Variants in CCSER1 observed in about 807,000 individuals in gnomAD.
The protein encoded by CCSER1 is coiled-coil serine rich protein 1.
In CCSER1, 41 loss-of-function variants were observed where a neutral mutation model predicts 82.0. The observed-to-expected ratio is 0.50, with a 90% CI of 0.39 to 0.65. CCSER1 has a LOEUF of 0.65. Ranked by LOEUF, CCSER1 falls within the 30% of genes least tolerant of loss-of-function variation. The pLI is 0.00. For missense variants in CCSER1, 1,119 were observed against 1,064.2 expected (o/e 1.05, Z -0.72); for synonymous variants, 414 against 383.9 (o/e 1.08, Z -0.92).
chr4:91,321,001 T>C (rs533646437), intron 10 of CCSER1, among the ~76,000 whole-genome samples: 35 of 152,066 alleles, frequency 2.3e-4, no homozygotes, highest in Non-Finnish European at 4.6e-4. Flanking sequence ...TAAAACAGGC[T>C]TTGGAATCAT....
intron 10 of CCSER1, among the ~76,000 whole-genome samples, chr4:91,331,121 G>A: frequency 6.6e-6 from 1 of 152,064 alleles, no homozygotes; most frequent in East Asian, 1.9e-4. Context: ...TACTGTACAT[G>A]ATTCATAGAA....
rs138717545 is a variant in CCSER1 at position 90,585,273 on chromosome 4, C to T, written c.1725-42752C>T. 4.6e-5 allele frequency among the ~76,000 whole-genome samples: 7 copies of T among 152,192 alleles called. No homozygotes were observed. The East Asian group carries it at 1.2e-3, about 25-fold the overall frequency. ...AAACAGGTATCCTGGCTGGCGAAAA[C>T]GTAAAATGGTACTAACAACTTGGAA... On this transcript the variant is annotated intron_variant, in intron 5 of 10. Coordinates refer to ENST00000509176, the MANE Select transcript of CCSER1 (RefSeq NM_001145065.2).
At chr4:90,456,580 A>G (rs1445613031) in intron 4 of CCSER1, among the ~76,000 whole-genome samples, 2 of 152,132 alleles carry the variant, frequency 1.3e-5, no homozygotes, top group South Asian at 4.1e-4. Context: ...CACGATGGCT[A>G]GACCTCCATG....
intron 5 of CCSER1, among the ~76,000 whole-genome samples, chr4:90,526,798 T>C (rs1240558995): frequency 2.0e-5 from 3 of 152,236 alleles, no homozygotes; most frequent in African/African-American, 7.2e-5. Flanking sequence ...TGGTTCCAAG[T>C]CTTCACTATT....
At chr4:91,030,696 A>G (rs1740901585) in intron 9 of CCSER1, among the ~76,000 whole-genome samples, 1 of 152,118 alleles carries the variant, frequency 6.6e-6, no homozygotes, top group East Asian at 1.9e-4. Context: ...CCATTGTACA[A>G]TGCAAAAATG....
intron 8 of CCSER1, among the ~76,000 whole-genome samples, chr4:90,885,575 A>G (rs1446014465): frequency 6.6e-6 from 1 of 152,108 alleles, no homozygotes; most frequent in Non-Finnish European, 1.5e-5. Flanking sequence ...GAGAATAGAG[A>G]ATATTCTTCT....
chr4:91,456,553 T>C (rs568024581), intron 10 of CCSER1, among the ~76,000 whole-genome samples: 4 of 152,036 alleles, frequency 2.6e-5, no homozygotes, highest in South Asian at 4.1e-4. Flanking sequence ...GCCATTCTGT[T>C]CTCTTTTTTT....
rs1456600713 is a variant in CCSER1, at chr4:91,442,495, G to A, written c.2218-156077G>A. On this transcript the variant is annotated intron_variant, in intron 10 of 10. Coordinates refer to ENST00000509176, the MANE Select transcript of CCSER1 (RefSeq NM_001145065.2). ...TTCAAGATGGATTAAAGACTTAAAC[G>A]TTAGACCTAAAACCATAAAAACCCT... 3.0e-5 allele frequency among the ~76,000 whole-genome samples: 4 copies of A among 133,336 alleles called. No homozygotes were observed. In the East Asian group the frequency reaches 6.7e-4, roughly 22 times the overall value. The allele number at this position is 133,336 out of a possible 152,430, so 87.5% of individuals were successfully genotyped here. A position where few individuals can be genotyped will look rare whatever the true frequency, so the allele number is the denominator to read the frequency against.
intron 10 of CCSER1, among the ~76,000 whole-genome samples, chr4:91,306,997 T>C (rs1370244908): frequency 2.0e-5 from 3 of 151,990 alleles, no homozygotes; most frequent in Non-Finnish European, 2.9e-5. Context: ...AGACTACAAT[T>C]ATTCTTGGTT....
At chr4:91,062,106 A>T (rs1744005748) in intron 9 of CCSER1, among the ~76,000 whole-genome samples, 1 of 152,026 alleles carries the variant, frequency 6.6e-6, no homozygotes, top group Non-Finnish European at 1.5e-5. Flanking sequence ...TTACTCATTA[A>T]AAAAACAAGG....
At chr4:91,082,079 G>A (rs569761101) in intron 9 of CCSER1, among the ~76,000 whole-genome samples, 13 of 152,154 alleles carry the variant, frequency 8.5e-5, no homozygotes, top group South Asian at 2.1e-4. Context: ...AATTTCATAC[G>A]GAACCACAAA....
At chr4:90,236,684 G>A (rs1258574124) in intron 1 of CCSER1, among the ~76,000 whole-genome samples, 1 of 151,888 alleles carries the variant, frequency 6.6e-6, no homozygotes, top group Non-Finnish European at 1.5e-5. Flanking sequence ...TTATTGATTT[G>A]TGGAGTGAAT....
At chr4:91,063,836 T>G (rs1744149537) in intron 9 of CCSER1, among the ~76,000 whole-genome samples, 1 of 152,120 alleles carries the variant, frequency 6.6e-6, no homozygotes, top group Non-Finnish European at 1.5e-5. Flanking sequence ...GTGGAAAAGT[T>G]TTATTATTCC....
At chr4:90,957,579 TA>T (rs1345026247) in intron 9 of CCSER1, among the ~76,000 whole-genome samples, 2 of 133,304 alleles carry the variant, frequency 1.5e-5, no homozygotes, top group African/African-American at 2.8e-5. Flanking sequence ...TTATATTATA[TA>T]ATATATTATT....
At chr4:91,040,515 CAG>C (rs1191715115) in intron 9 of CCSER1, among the ~76,000 whole-genome samples, 2 of 152,062 alleles carry the variant, frequency 1.3e-5, no homozygotes, top group East Asian at 3.9e-4. Flanking sequence ...AAAATATTGG[CAG>C]AGTCTAGAAT....
At chr4:90,183,853 T>C (rs965315300) in intron 1 of CCSER1, among the ~76,000 whole-genome samples, 8 of 152,174 alleles carry the variant, frequency 5.3e-5, no homozygotes, top group Non-Finnish European at 1.2e-4. Context: ...AGTAATTATT[T>C]GTTAATTTGA....
At chr4:90,292,905 C>T (rs1427733911) in intron 1 of CCSER1, among the ~76,000 whole-genome samples, 1 of 151,866 alleles carries the variant, frequency 6.6e-6, no homozygotes, top group East Asian at 1.9e-4. Flanking sequence ...AATGTAGCCA[C>T]CTTTTAATTT....
chr4:91,336,959 TAAAGATGTAAATAAATAC>T (rs552990299), intron 10 of CCSER1, among the ~76,000 whole-genome samples: 85 of 152,164 alleles, frequency 5.6e-4, no homozygotes, highest in African/African-American at 1.9e-3. Context: ...ATCTTTTTGT[TAAAGATGTAAATAAATAC>T]AAATGCATAT....
intron 3 of CCSER1, among the ~76,000 whole-genome samples, chr4:90,362,279 T>C (rs1459368025): frequency 6.6e-6 from 1 of 152,162 alleles, no homozygotes; most frequent in Non-Finnish European, 1.5e-5. Context: ...CTTGATAGGG[T>C]GTAGGGCAAT....
Sources: gnomAD v4.1 joint callset for allele counts (sites outside exome capture counted in the v4.1 genomes callset) on GRCh38, gnomAD v4.1.1 for gene constraint, MANE v1.5 for transcripts, NCBI Gene and HGNC (gene_info 2026-07-23, HGNC 2026-07-21) for gene names.